The following ZBTB8A variants were observed in gnomAD, a reference collection of about 807,000 sequenced individuals.
ZBTB8A encodes the protein zinc finger and BTB domain-containing protein 8A.
ZBTB8A carries 19 observed loss-of-function variants against 37.8 expected under a neutral mutation model. The observed-to-expected ratio is 0.50, with a 90% CI of 0.35 to 0.74. The LOEUF (loss-of-function observed/expected upper bound fraction) is 0.74. ZBTB8A is among the 30% of genes least tolerant of loss of function. ZBTB8A has a pLI of 0.01. For missense variants in ZBTB8A, 394 were observed against 537.8 expected (o/e 0.73, Z 2.65); for synonymous variants, 181 against 185.2 (o/e 0.98, Z 0.19).
intron 2 of ZBTB8A, among the ~76,000 whole-genome samples, chr1:32,558,748 G>A (rs920936219): frequency 1.3e-5 from 2 of 152,106 alleles, no homozygotes; most frequent in Non-Finnish European, 2.9e-5. Flanking sequence ...ACATTTCAGC[G>A]GTTAAGAAAA....
chr1:32,584,002 C>A (rs1188650632), intron 2 of ZBTB8A, among the ~76,000 whole-genome samples: 1 of 152,124 alleles, frequency 6.6e-6, no homozygotes, highest in Non-Finnish European at 1.5e-5. Context: ...AAGTGATCCA[C>A]CTGCCTCGGC....
At chr1:32,549,453 C>T (rs560930364) in intron 1 of ZBTB8A, among the ~76,000 whole-genome samples, 80 of 151,162 alleles carry the variant, frequency 5.3e-4, no homozygotes, top group African/African-American at 1.8e-3. Context: ...AAGATCACAC[C>T]GTTGCACTCC....
At chr1:32,589,369 G>C (rs1644471605) in intron 2 of ZBTB8A, among the ~76,000 whole-genome samples, 1 of 151,688 alleles carries the variant, frequency 6.6e-6, no homozygotes, top group African/African-American at 2.4e-5. Context: ...TCCTGCCTCA[G>C]CCTCCTGAGT....
At chr1:32,573,067 ATTC>A (rs1644333581) in intron 2 of ZBTB8A, among the ~76,000 whole-genome samples, 1 of 131,100 alleles carries the variant, frequency 7.6e-6, no homozygotes, top group African/African-American at 2.9e-5. Flanking sequence ...AGTTCTCTAG[ATTC>A]TTTTTTTTTT....
chr1:32,547,874 T>G (rs1644119383), intron 1 of ZBTB8A, among the ~76,000 whole-genome samples: 1 of 141,728 alleles, frequency 7.1e-6, no homozygotes, highest in African/African-American at 2.6e-5. Flanking sequence ...TGGCTCACAC[T>G]TGTAATCCCA....
At chr1:32,545,386 CTTAT>C (rs1489285013) in intron 1 of ZBTB8A, among the ~76,000 whole-genome samples, 3 of 152,032 alleles carry the variant, frequency 2.0e-5, no homozygotes, top group African/African-American at 4.8e-5. Flanking sequence ...CTTATTTAAT[CTTAT>C]TTATTTTAGC....
chr1:32,590,172 G>A (rs1036430798), intron 2 of ZBTB8A, among the ~76,000 whole-genome samples: 3 of 151,546 alleles, frequency 2.0e-5, no homozygotes, highest in Non-Finnish European at 2.9e-5. Context: ...GGGCTCAAGC[G>A]ATCTGCCCAC....
rs192780258 is a variant in ZBTB8A, at chr1:32,555,943, T to C, written c.-2+2403T>C. Among the ~76,000 whole-genome samples the C allele has an allele frequency of 6.2e-4, 95 of 152,178 alleles. 2 individuals carry two copies. The East Asian group carries it at 0.014, about 23-fold the overall frequency. On this transcript the variant is annotated intron_variant, in intron 2 of 4. Coordinates refer to ENST00000373510, the MANE Select transcript of ZBTB8A (RefSeq NM_001040441.3). Reference sequence around the variant, plus strand: ...ATTTTTTTTTTTTGAGACACTTGTCTGTGTGCCCAGGCTGGAGTGCAGTGG... The same window carrying C: ...ATTTTTTTTTTTTGAGACACTTGTCCGTGTGCCCAGGCTGGAGTGCAGTGG...
chr1:32,587,362 C>T (rs536690505), intron 2 of ZBTB8A, among the ~76,000 whole-genome samples: 18 of 152,122 alleles, frequency 1.2e-4, no homozygotes, highest in South Asian at 8.3e-4. Context: ...GAGTCAAAGA[C>T]GACTCAATGT....
intron 2 of ZBTB8A, among the ~76,000 whole-genome samples, chr1:32,568,615 T>G (rs1557708124): frequency 6.6e-6 from 1 of 152,150 alleles, no homozygotes; most frequent in Non-Finnish European, 1.5e-5. Context: ...CTCGATCTCC[T>G]AACCTCGTGA....
chr1:32,539,836 G>T (rs1289701825), intron 1 of ZBTB8A, among the ~76,000 whole-genome samples: 4 of 148,216 alleles, frequency 2.7e-5, no homozygotes, highest in Non-Finnish European at 6.0e-5. Flanking sequence ...GAAGGCGCGC[G>T]GAGCCTCCTG....
chr1:32,592,196 C>T (rs923820896), intron 2 of ZBTB8A, among the ~76,000 whole-genome samples: 23 of 152,066 alleles, frequency 1.5e-4, no homozygotes, highest in African/African-American at 5.1e-4. Flanking sequence ...TGTGTCTTGG[C>T]GATTATATTC....
In ZBTB8A at chr1:32,600,816, C is replaced by A. The variant is rs554358275; in HGVS notation, c.*397C>A. 5.2e-4 allele frequency: 86 copies of A among 165,226 alleles called. No homozygotes were observed. The highest frequency in any genetic ancestry group is 1.3e-3 in the Admixed American group (23 of 17,044). The allele number at this position is 165,226 out of a possible 1,614,324, so 10.2% of individuals were successfully genotyped here. The stretch of plus-strand genomic sequence containing the variant: ...TATGTAAGACAATTTCAAGGTGTTT[C>A]AAAAACACATAACTACCAATGTTTA... On this transcript the variant is annotated 3_prime_UTR_variant, in exon 5 of 5. Transcript: ENST00000373510.
chr1:32,540,713 C>T (rs908807776), intron 1 of ZBTB8A, among the ~76,000 whole-genome samples: 5 of 152,222 alleles, frequency 3.3e-5, no homozygotes, highest in Non-Finnish European at 2.9e-5. Context: ...CAAGCTTCTG[C>T]TCCAGTCTTA....
At chr1:32,585,031 T>TG (rs1459830399) in intron 2 of ZBTB8A, among the ~76,000 whole-genome samples, 1 of 141,424 alleles carries the variant, frequency 7.1e-6, no homozygotes, top group African/African-American at 2.6e-5. Context: ...AGATTTCTTT[T>TG]TTTTTTTTTT....
At chr1:32,549,520 G>T (rs1644134086) in intron 1 of ZBTB8A, among the ~76,000 whole-genome samples, 1 of 151,760 alleles carries the variant, frequency 6.6e-6, no homozygotes, top group Non-Finnish European at 1.5e-5. Context: ...CTGCCCAACA[G>T]GCCCCCCAGG....
rs981993734 is a variant in ZBTB8A, at chr1:32,604,659, G to T, written c.*4240G>T. 2 of 152,092 alleles carry T rather than the reference G, an allele frequency of 1.3e-5. No homozygotes were observed. Among genetic ancestry groups the T allele is most frequent in the African/African-American group, 4.8e-5 (2 of 41,402 alleles). The allele number at this position is 152,092 out of a possible 1,614,324, so 9.4% of individuals were successfully genotyped here. ...AAAATAAGCATAGTTACTGTTTTCT[G>T]TACGGCTAAGTACTGCCTAATGGAT... is the stretch of plus-strand genomic sequence containing the variant. On this transcript the variant is annotated 3_prime_UTR_variant, in exon 5 of 5. Transcript: ENST00000373510.
At chr1:32,569,328 T>G (rs892075602) in intron 2 of ZBTB8A, among the ~76,000 whole-genome samples, 1 of 151,998 alleles carries the variant, frequency 6.6e-6, no homozygotes, top group Non-Finnish European at 1.5e-5. Flanking sequence ...TACAACTCTT[T>G]TGTCAGATAT....
intron 2 of ZBTB8A, among the ~76,000 whole-genome samples, chr1:32,559,687 A>G (rs954300540): frequency 6.6e-6 from 1 of 151,756 alleles, no homozygotes; most frequent in African/African-American, 2.4e-5. Flanking sequence ...CTGGTCTCCA[A>G]CTCCAGGGCT....
Sources: allele counts gnomAD v4.1 joint callset (sites outside exome capture counted in the v4.1 genomes callset), GRCh38; gene constraint gnomAD v4.1.1; transcripts MANE v1.5; gene names NCBI Gene and HGNC (gene_info 2026-07-23, HGNC 2026-07-21).